The following CACNG3 variants were observed in gnomAD, a reference collection of about 807,000 sequenced individuals.
CACNG3 encodes the protein voltage-dependent calcium channel gamma-3 subunit.
A neutral mutation model predicts 28.5 loss-of-function variants in CACNG3; 3 were observed. The ratio of observed to expected loss-of-function variants is 0.11; its 90% CI spans 0.05 to 0.27. The LOEUF (loss-of-function observed/expected upper bound fraction) is 0.27, where lower values mean the gene tolerates loss of function less well. Ranked by LOEUF, CACNG3 falls within the 10% of genes least tolerant of loss-of-function variation. The probability of loss-of-function intolerance (pLI) is 1.00; values close to 1 mark genes in which losing one functional copy is unlikely to be tolerated. For synonymous variants in CACNG3, 174 were observed against 162.2 expected (o/e 1.07, Z -0.55); for missense variants, 236 against 414.4 (o/e 0.57, Z 3.74).
intron 2 of CACNG3, among the ~76,000 whole-genome samples, chr16:24,351,428 G>A (rs1426579088): frequency 6.6e-6 from 1 of 151,704 alleles, no homozygotes; most frequent in Non-Finnish European, 1.5e-5. Context: ...AAAAATTAGG[G>A]TGGTATGGTG....
intron 1 of CACNG3, among the ~76,000 whole-genome samples, chr16:24,335,602 C>T (rs1899692708): frequency 6.6e-6 from 1 of 152,164 alleles, no homozygotes; most frequent in African/African-American, 2.4e-5. Context: ...TTAAGTTAAG[C>T]AACTTGCAGA....
chr16:24,285,033 A>G (rs1898874992), intron 1 of CACNG3, among the ~76,000 whole-genome samples: 2 of 151,976 alleles, frequency 1.3e-5, no homozygotes, highest in Admixed American at 6.6e-5. Flanking sequence ...AAAAAAAGAA[A>G]GACACTCAGA....
At chr16:24,347,599 G>A (rs1899887216) in intron 2 of CACNG3, among the ~76,000 whole-genome samples, 2 of 152,190 alleles carry the variant, frequency 1.3e-5, no homozygotes. Context: ...CAAGACCTAG[G>A]AGAATAAATA....
At chr16:24,301,408 T>G (rs1035645348) in intron 1 of CACNG3, among the ~76,000 whole-genome samples, 4 of 152,152 alleles carry the variant, frequency 2.6e-5, no homozygotes, top group African/African-American at 9.7e-5. Context: ...GTTGAAGAAT[T>G]AACTCTGGAA....
At chr16:24,269,978 G>A (rs1898665665) in intron 1 of CACNG3, among the ~76,000 whole-genome samples, 2 of 151,742 alleles carry the variant, frequency 1.3e-5, no homozygotes, top group Admixed American at 1.3e-4. Flanking sequence ...GAAAATATAT[G>A]TTGTATGGAC....
intron 2 of CACNG3, among the ~76,000 whole-genome samples, chr16:24,350,393 C>A (rs983197613): frequency 1.1e-4 from 16 of 151,654 alleles, no homozygotes; most frequent in Non-Finnish European, 2.1e-4. Flanking sequence ...TAGCTCACTG[C>A]ACCCTCAAAT....
chr16:24,317,570 GA>G (rs1182044338), intron 1 of CACNG3, among the ~76,000 whole-genome samples: 2 of 46,632 alleles, frequency 4.3e-5, no homozygotes. Flanking sequence ...AAGAAAGAAA[GA>G]AAGAAAGAAA....
At chr16:24,312,435 A>G (rs1567215953) in intron 1 of CACNG3, among the ~76,000 whole-genome samples, 1 of 152,142 alleles carries the variant, frequency 6.6e-6, no homozygotes, top group Admixed American at 6.5e-5. Context: ...TAAGTTCCTT[A>G]TCCTCTCTGT....
chr16:24,312,451 T>C (rs1899276753), intron 1 of CACNG3, among the ~76,000 whole-genome samples: 1 of 152,154 alleles, frequency 6.6e-6, no homozygotes, highest in Non-Finnish European at 1.5e-5. Flanking sequence ...TCTGTGCCTG[T>C]TTTCTCATCT....
rs529952148 is a variant in CACNG3, at chr16:24,278,184, C to T, written c.211+21219C>T. ...AAGGAGGTATGATCTGGGAAATGCA[C>T]ATTTGGAAATCATCAGTGGTAAAAG... On this transcript the variant is annotated intron_variant, in intron 1 of 3. Transcript: ENST00000005284. 5.3e-5 allele frequency among the ~76,000 whole-genome samples: 8 copies of T among 152,212 alleles called. No homozygotes were observed. The East Asian group carries it at 5.8e-4, about 11-fold the overall frequency.
intron 1 of CACNG3, among the ~76,000 whole-genome samples, chr16:24,301,507 C>A (rs1307030043): frequency 6.6e-6 from 1 of 152,160 alleles, no homozygotes; most frequent in Non-Finnish European, 1.5e-5. Flanking sequence ...TGGTATCCTG[C>A]AGCTCACGAC....
intron 3 of CACNG3, 65 bp downstream of exon 3, chr16:24,355,038 G>A: frequency 2.6e-6 from 4 of 1,514,464 alleles, no homozygotes; most frequent in Non-Finnish European, 3.6e-6. Context: ...GCCACATGGA[G>A]GAAGCAATGC....
At position 24,361,824 on chromosome 16, in the gene CACNG3, G is replaced by C. The variant is rs1353381063; in HGVS notation, c.909G>C (p.Leu303=). 1 of 1,612,906 alleles carries C rather than the reference G, an allele frequency of 6.2e-7. No individual in the cohort carries two copies. Among genetic ancestry groups the C allele is most frequent in the African/African-American group, 1.3e-5 (1 of 75,040 alleles). ...NSTPKEFKES[L]HNNPANRRTT... ...CACCCAAAGAGTTCAAAGAGTCACT[G>C]CATAATAATCCGGCCAACAGGCGCA... The change falls in exon 4 of 4, where the codon CTG becomes CTC. Residue 303 remains leucine, a synonymous_variant. Coordinates refer to ENST00000005284, the MANE Select transcript of CACNG3 (RefSeq NM_006539.4). The surrounding 1 kb of genome is among the most constrained non-coding windows in gnomAD (Gnocchi z 6.8).
Position 24,304,505 on chromosome 16 carries a change from T to C in CACNG3, c.212-42229T>C, listed in dbSNP as rs541168593. 2.8e-4 allele frequency among the ~76,000 whole-genome samples: 42 copies of C among 152,280 alleles called. No individual in the cohort carries two copies. In the South Asian group the frequency reaches 4.6e-3, roughly 17 times the overall value. On this transcript the variant is annotated intron_variant, in intron 1 of 3. Coordinates refer to ENST00000005284, the MANE Select transcript of CACNG3 (RefSeq NM_006539.4). ...GATAAGCCCCTAGAAGCTTTTCTCA[T>C]GTTCCTTCTGGTCACTACCAGCCCT...
chr16:24,352,307 TC>T (rs1198857474), intron 2 of CACNG3, among the ~76,000 whole-genome samples: 1 of 149,434 alleles, frequency 6.7e-6, no homozygotes, highest in Non-Finnish European at 1.5e-5. Flanking sequence ...CTCGCATCCC[TC>T]CCCGGCCCCA....
chr16:24,346,867 T>C, intron 2 of CACNG3, 50 bp downstream of exon 2: 2 of 1,415,500 alleles, frequency 1.4e-6, no homozygotes, highest in African/African-American at 2.8e-5. Flanking sequence ...GATGGGCCTC[T>C]GCCATCACTC....
intron 1 of CACNG3, among the ~76,000 whole-genome samples, chr16:24,285,665 T>C (rs1898882927): frequency 6.6e-6 from 1 of 151,906 alleles, no homozygotes; most frequent in Admixed American, 6.6e-5. Context: ...ATAATAGTAA[T>C]AATAAAAGTT....
chr16:24,331,897 A>G (rs1292091956), intron 1 of CACNG3, among the ~76,000 whole-genome samples: 1 of 152,192 alleles, frequency 6.6e-6, no homozygotes, highest in East Asian at 1.9e-4. Flanking sequence ...CTGCTCAGAT[A>G]GGCCCTTTCT....
intron 1 of CACNG3, among the ~76,000 whole-genome samples, chr16:24,316,092 G>A (rs1002723021): frequency 1.3e-5 from 2 of 151,816 alleles, no homozygotes; most frequent in Non-Finnish European, 2.9e-5. Context: ...CTATTTCACA[G>A]AGGAGGAAGC....
Sources: gnomAD v4.1 joint callset for allele counts (sites outside exome capture counted in the v4.1 genomes callset) on GRCh38, gnomAD v4.1.1 for gene constraint, Gnocchi (gnomAD v3.1) non-coding constraint, MANE v1.5 for transcripts, NCBI Gene and HGNC (gene_info 2026-07-23, HGNC 2026-07-21) for gene names.